Variants in HP1BP3 observed in about 807,000 individuals in gnomAD.
The protein encoded by HP1BP3 is heterochromatin protein 1 binding protein 3.
HP1BP3 carries 12 observed loss-of-function variants against 62.5 expected under a neutral mutation model. That is an observed-to-expected ratio of 0.19 (90% CI 0.12 to 0.31). HP1BP3 has a LOEUF of 0.31. Among genes scored for constraint, HP1BP3 ranks in the 10% least tolerant of loss-of-function variants. The pLI, the probability that HP1BP3 is intolerant of heterozygous loss-of-function variation, is 1.00. For missense variants in HP1BP3, 502 were observed against 651.8 expected (o/e 0.77, Z 2.50); for synonymous variants, 260 against 237.8 (o/e 1.09, Z -0.86).
intron 8 of HP1BP3, among the ~76,000 whole-genome samples, chr1:20,763,246 TAAAGA>T (rs1290635456): frequency 6.6e-6 from 1 of 152,216 alleles, no homozygotes; most frequent in Non-Finnish European, 1.5e-5. Context: ...TATTCTTTGT[TAAAGA>T]ATAGTGAAAT....
intron 7 of HP1BP3, among the ~76,000 whole-genome samples, 197 bp downstream of exon 7, chr1:20,767,387 C>T (rs1271806644): frequency 2.0e-5 from 3 of 152,166 alleles, no homozygotes; most frequent in Non-Finnish European, 4.4e-5. Context: ...ACAGGCTTAA[C>T]CAGGTTGGAC....
intron 1 of HP1BP3, among the ~76,000 whole-genome samples, chr1:20,781,540 G>C (rs2057547716): frequency 6.6e-6 from 1 of 152,208 alleles, no homozygotes; most frequent in African/African-American, 2.4e-5. Context: ...TCAGTCAGCT[G>C]CAAGGAAATC....
At chr1:20,781,715 C>A (rs1390836510) in intron 1 of HP1BP3, among the ~76,000 whole-genome samples, 1 of 152,220 alleles carries the variant, frequency 6.6e-6, no homozygotes, top group African/African-American at 2.4e-5. Flanking sequence ...CAACCTCCGC[C>A]TCCTTGGTTC....
chr1:20,767,491 G>A, intron 7 of HP1BP3, 93 bp downstream of exon 7: 2 of 868,502 alleles, frequency 2.3e-6, no homozygotes, highest in Non-Finnish European at 3.8e-6. Context: ...ACCTTGCATA[G>A]TGCCAGGCAC....
Position 20,743,011 on chromosome 1 carries a change from A to G in HP1BP3, c.*1786T>C, listed in dbSNP as rs1207100333. Reference sequence around the variant, plus strand: ...AGTGCCACAGGGAAGAGAAATGATAACCAGAAATTTGTATTTCTAGCTAGT... The same window carrying G: ...AGTGCCACAGGGAAGAGAAATGATAGCCAGAAATTTGTATTTCTAGCTAGT... On this transcript the variant is annotated 3_prime_UTR_variant, in exon 13 of 13. Coordinates refer to ENST00000438032, the MANE Select transcript of HP1BP3 (RefSeq NM_001372052.1). 6.6e-6 allele frequency: 1 copy of G among 152,566 alleles called. No individual in the cohort carries two copies. Among genetic ancestry groups the G allele is most frequent in the Non-Finnish European group, 1.5e-5 (1 of 68,048 alleles). 9.5% of individuals were successfully genotyped at this position (152,566 alleles called of 1,614,324 possible).
intron 5 of HP1BP3, 114 bp from the exon 6 acceptor site, chr1:20,771,187 G>A: frequency 1.2e-6 from 1 of 817,766 alleles, no homozygotes; most frequent in East Asian, 2.7e-5. Context: ...AAAACGGTAG[G>A]GAAGAATGAA....
intron 9 of HP1BP3, among the ~76,000 whole-genome samples, chr1:20,756,172 T>TA (rs548963672): frequency 3.0e-4 from 46 of 152,268 alleles, no homozygotes; most frequent in African/African-American, 1.1e-3. Context: ...ATAAAGCTGT[T>TA]AAAAAAATAA....
At chr1:20,772,237 T>C (rs961949633) in intron 5 of HP1BP3, among the ~76,000 whole-genome samples, 2 of 152,240 alleles carry the variant, frequency 1.3e-5, no homozygotes, top group East Asian at 1.9e-4. Context: ...ATTTGTCATA[T>C]TGCATGGAAT....
chr1:20,778,807 T>C (rs1340355419), intron 3 of HP1BP3, among the ~76,000 whole-genome samples: 1 of 152,038 alleles, frequency 6.6e-6, no homozygotes, highest in Non-Finnish European at 1.5e-5. Flanking sequence ...TTTCTTTTTT[T>C]TGGAGACAGT....
At chr1:20,753,077 G>A (rs1232554163) in intron 9 of HP1BP3, among the ~76,000 whole-genome samples, 1 of 152,114 alleles carries the variant, frequency 6.6e-6, no homozygotes, top group Admixed American at 6.5e-5. Context: ...GAGTAGCTGG[G>A]ATTGCAGGCA....
At position 20,757,183 on chromosome 1, in the gene HP1BP3, C is replaced by A; in HGVS notation, c.964G>T (p.Ala322Ser). 6.2e-7 allele frequency: 1 copy of A among 1,611,494 alleles called. No homozygotes were observed. Among genetic ancestry groups the A allele is most frequent in the Non-Finnish European group, 8.5e-7 (1 of 1,178,250 alleles). Residue 322 changes from alanine to serine, a missense_variant, in exon 9 of 13, where the codon GCT (alanine) becomes TCT (serine). By Grantham distance (99) the Ala-to-Ser change is moderately conservative. Transcript: ENST00000438032. ...TCTCTAACCTGGAATGTCCCCGAAG[C>A]ACCTTTGCCAGTTATCTGTTCTAAC... is the stretch of plus-strand genomic sequence containing the variant. ...GQLEQITGKG[A>S]SGTFQLKKSG... is the part of the protein sequence containing the mutation.
At chr1:20,758,778 A>G (rs2056285358) in intron 8 of HP1BP3, among the ~76,000 whole-genome samples, 1 of 151,370 alleles carries the variant, frequency 6.6e-6, no homozygotes, top group East Asian at 1.9e-4. Context: ...CCTCCCGAGT[A>G]GTTGGGACTA....
At chr1:20,783,340 G>A (rs1320242102) in intron 1 of HP1BP3, among the ~76,000 whole-genome samples, 1 of 152,058 alleles carries the variant, frequency 6.6e-6, no homozygotes, top group Non-Finnish European at 1.5e-5. Flanking sequence ...CCAACATGGT[G>A]AAACCCCATC....
At chr1:20,779,633 C>T (rs2057453632) in intron 3 of HP1BP3, among the ~76,000 whole-genome samples, 179 bp downstream of exon 3, 1 of 151,246 alleles carries the variant, frequency 6.6e-6, no homozygotes, top group African/African-American at 2.4e-5. Flanking sequence ...TGAAACCTTA[C>T]TTTGCCCTCA....
At chr1:20,764,566 T>C (rs2056667005) in intron 8 of HP1BP3, among the ~76,000 whole-genome samples, 1 of 151,130 alleles carries the variant, frequency 6.6e-6, no homozygotes, top group Admixed American at 6.6e-5. Flanking sequence ...TTTAATGTTG[T>C]CAACTGTTAA....
chr1:20,758,493 C>T (rs1190040175), intron 8 of HP1BP3, among the ~76,000 whole-genome samples: 1 of 152,006 alleles, frequency 6.6e-6, no homozygotes, highest in African/African-American at 2.4e-5. Flanking sequence ...ACTACAGGCG[C>T]GTGCCACCAC....
Position 20,770,921 on chromosome 1 carries a change from G to A in HP1BP3, c.654+9C>T, listed in dbSNP as rs1156585510. Reference sequence around the variant, plus strand: ...TGAAATGATCTTACTACTAACAATTGTGTAATACCTGTTTGATGACTCCTC... The same window carrying A: ...TGAAATGATCTTACTACTAACAATTATGTAATACCTGTTTGATGACTCCTC... On this transcript the variant is annotated intron_variant, in intron 6 of 12. Transcript: ENST00000438032. 4 of 1,588,004 alleles carry A rather than the reference G, an allele frequency of 2.5e-6. No homozygotes were observed. The highest frequency in any genetic ancestry group is 1.4e-5 in the African/African-American group (1 of 73,550).
At chr1:20,750,759 A>C (rs1490846988) in intron 9 of HP1BP3, among the ~76,000 whole-genome samples, 1 of 151,538 alleles carries the variant, frequency 6.6e-6, no homozygotes, top group African/African-American at 2.4e-5. Context: ...GATGACAAGG[A>C]TAAAGACATG....
chr1:20,752,455 C>T (rs568424677), intron 9 of HP1BP3, among the ~76,000 whole-genome samples: 1 of 151,832 alleles, frequency 6.6e-6, no homozygotes, highest in Admixed American at 6.6e-5. Flanking sequence ...CCACACCTGG[C>T]TAATTTTTGT....
Sources: gnomAD v4.1 joint callset for allele counts (sites outside exome capture counted in the v4.1 genomes callset) on GRCh38, gnomAD v4.1.1 for gene constraint, MANE v1.5 for transcripts, NCBI Gene and HGNC (gene_info 2026-07-23, HGNC 2026-07-21) for gene names.